The following SOX5 variants were observed in gnomAD, a reference collection of about 807,000 sequenced individuals.
SOX5 encodes the protein transcription factor SOX-5.
In SOX5, 9 loss-of-function variants were observed where a neutral mutation model predicts 92.0. The observed-to-expected ratio is 0.10, with a 90% CI of 0.06 to 0.17. The LOEUF (loss-of-function observed/expected upper bound fraction) is 0.17. Among genes scored for constraint, SOX5 ranks in the 10% least tolerant of loss-of-function variants. The pLI, the probability that SOX5 is intolerant of heterozygous loss-of-function variation, is 1.00. For synonymous variants in SOX5, 344 were observed against 336.3 expected (o/e 1.02, Z -0.25); for missense variants, 642 against 944.5 (o/e 0.68, Z 4.20).
chr12:24,251,251 T>C (rs1939972793), intron 3 of SOX5, among the ~76,000 whole-genome samples: 1 of 152,188 alleles, frequency 6.6e-6, no homozygotes, highest in African/African-American at 2.4e-5. Context: ...TAATCATTTA[T>C]AGACTTGATC....
chr12:24,056,974 C>CAAAAAAAAAAAAAAAAAAAAAAAAAAA (rs60085412), intron 4 of SOX5, among the ~76,000 whole-genome samples: 2 of 36,906 alleles, frequency 5.4e-5, no homozygotes, highest in Admixed American at 6.6e-4. Context: ...GACTCCGTCT[C>CAAAAAAAAAAAAAAAAAAAAAAAAAAA]AAAAAAAAAA....
chr12:24,009,212 A>T (rs1952645061), intron 4 of SOX5, among the ~76,000 whole-genome samples: 1 of 152,210 alleles, frequency 6.6e-6, no homozygotes, highest in Admixed American at 6.5e-5. Flanking sequence ...CGTGAGACCC[A>T]TCCAGTTAAA....
intron 10 of SOX5, among the ~76,000 whole-genome samples, chr12:23,568,142 C>T (rs1947477890): frequency 6.6e-6 from 1 of 152,020 alleles, no homozygotes; most frequent in African/African-American, 2.4e-5. Flanking sequence ...AACCGGTTGC[C>T]TTATAAGAGG....
intron 7 of SOX5, among the ~76,000 whole-genome samples, chr12:23,647,399 G>A (rs1361357227): frequency 6.6e-6 from 1 of 152,138 alleles, no homozygotes; most frequent in African/African-American, 2.4e-5. Context: ...AAAAAACTAA[G>A]ATTTTCAAAA....
intron 2 of SOX5, among the ~76,000 whole-genome samples, chr12:24,317,339 A>T (rs1949790994): frequency 6.6e-6 from 1 of 152,210 alleles, no homozygotes; most frequent in African/African-American, 2.4e-5. Flanking sequence ...GTGTAAAGCA[A>T]ATTTGAACTT....
intron 2 of SOX5, among the ~76,000 whole-genome samples, chr12:23,889,768 T>C (rs187624505): frequency 6.6e-6 from 1 of 152,310 alleles, no homozygotes; most frequent in East Asian, 1.9e-4. Context: ...TGAATGTTGC[T>C]TTATGATCAT....
At chr12:23,829,315 C>G (rs1438138511) in intron 3 of SOX5, among the ~76,000 whole-genome samples, 1 of 152,092 alleles carries the variant, frequency 6.6e-6, no homozygotes, top group Admixed American at 6.5e-5. Flanking sequence ...CACAGACACA[C>G]AAAATCCTCC....
intron 1 of SOX5, among the ~76,000 whole-genome samples, chr12:24,423,220 C>CCCAGCTCTCCCT (rs1198258257): frequency 3.3e-5 from 5 of 152,168 alleles, no homozygotes; most frequent in African/African-American, 1.2e-4. Context: ...CCCTTAAGAA[C>CCCAGCTCTCCCT]TGTGGAAGGA....
intron 9 of SOX5, among the ~76,000 whole-genome samples, chr12:23,600,983 C>G (rs749916672): frequency 2.6e-5 from 4 of 152,114 alleles, no homozygotes; most frequent in Non-Finnish European, 4.4e-5. Context: ...AGAACAGAAT[C>G]TTGTTCTTTT....
intron 3 of SOX5, among the ~76,000 whole-genome samples, chr12:23,763,767 C>A (rs977710903): frequency 6.6e-6 from 1 of 151,910 alleles, no homozygotes; most frequent in East Asian, 1.9e-4. Context: ...AAGAGAACAA[C>A]AAATAGCTTT....
At chr12:23,548,133 A>T (rs74070550) in intron 11 of SOX5, among the ~76,000 whole-genome samples, 4,095 of 152,146 alleles carry the variant, frequency 0.027, 176 homozygotes, top group African/African-American at 0.093. Context: ...TTAGCTTTTG[A>T]TTTAACAGTA....
At chr12:24,484,062 A>G (rs530162041) in intron 1 of SOX5, among the ~76,000 whole-genome samples, 1 of 152,338 alleles carries the variant, frequency 6.6e-6, no homozygotes, top group African/African-American at 2.4e-5. Context: ...ATTGATAAAC[A>G]TCATTTTGCC....
intron 3 of SOX5, among the ~76,000 whole-genome samples, chr12:23,767,518 C>T (rs563814450): frequency 4.3e-4 from 65 of 152,098 alleles, no homozygotes; most frequent in Middle Eastern, 3.4e-3. Flanking sequence ...AATGGCAGGA[C>T]CAGAAATTAC....
At chr12:24,297,804 T>C (rs1350095420) in intron 2 of SOX5, among the ~76,000 whole-genome samples, 1 of 152,170 alleles carries the variant, frequency 6.6e-6, no homozygotes, top group African/African-American at 2.4e-5. Flanking sequence ...AGCTCATAAC[T>C]AGCACTGTCT....
At chr12:24,157,442 T>TTA (rs1462156183) in intron 4 of SOX5, among the ~76,000 whole-genome samples, 1 of 152,070 alleles carries the variant, frequency 6.6e-6, no homozygotes, top group Non-Finnish European at 1.5e-5. Context: ...CAAATACAAC[T>TTA]TATATAGTCA....
intron 1 of SOX5, among the ~76,000 whole-genome samples, chr12:24,447,325 C>A (rs762608300): frequency 3.3e-5 from 5 of 152,168 alleles, no homozygotes; most frequent in Non-Finnish European, 7.3e-5. Flanking sequence ...CTTCCTCTCC[C>A]AACCCCACAA....
At chr12:23,947,263 C>T (rs766671479) in intron 1 of SOX5, among the ~76,000 whole-genome samples, 2 of 151,848 alleles carry the variant, frequency 1.3e-5, no homozygotes, top group Non-Finnish European at 2.9e-5. Flanking sequence ...GTGGGAAATT[C>T]ATCTATAGCA....
At chr12:24,124,435 G>C (rs1373978439) in intron 4 of SOX5, among the ~76,000 whole-genome samples, 2 of 152,082 alleles carry the variant, frequency 1.3e-5, no homozygotes, top group African/African-American at 4.8e-5. Flanking sequence ...TCAAATGCTT[G>C]GGACACTTCA....
At chr12:24,003,536 A>C (rs1359245060) in intron 4 of SOX5, among the ~76,000 whole-genome samples, 1 of 152,088 alleles carries the variant, frequency 6.6e-6, no homozygotes, top group African/African-American at 2.4e-5. Context: ...AAATGAAATA[A>C]GAAAATAATT....
Sources: allele counts gnomAD v4.1 joint callset (sites outside exome capture counted in the v4.1 genomes callset), GRCh38; gene constraint gnomAD v4.1.1; transcripts MANE v1.5; gene names NCBI Gene and HGNC (gene_info 2026-07-23, HGNC 2026-07-21).